The following SEL1L2 variants were observed in gnomAD, a reference collection of about 807,000 sequenced individuals.
SEL1L2 encodes SEL1L2 adaptor subunit of SYVN1 ubiquitin ligase.
A neutral mutation model predicts 98.8 loss-of-function variants in SEL1L2; 89 were observed. The observed-to-expected ratio is 0.90, with a 90% CI of 0.76 to 1.07. The LOEUF (loss-of-function observed/expected upper bound fraction) is 1.07. SEL1L2 is among the 50% of genes least tolerant of loss of function. The probability of loss-of-function intolerance (pLI) is 0.00; values close to 1 mark genes in which losing one functional copy is unlikely to be tolerated. For missense variants in SEL1L2, 788 were observed against 812.0 expected (o/e 0.97, Z 0.36); for synonymous variants, 262 against 278.5 (o/e 0.94, Z 0.59).
intron 18 of SEL1L2, among the ~76,000 whole-genome samples, chr20:13,852,774 C>A (rs750289148): frequency 3.9e-5 from 6 of 152,162 alleles, no homozygotes; most frequent in Non-Finnish European, 8.8e-5. Flanking sequence ...ATACAGAATT[C>A]TTCTGCAGTA....
At chr20:13,883,675 C>T (rs1420071158) in intron 10 of SEL1L2, among the ~76,000 whole-genome samples, 1 of 150,354 alleles carries the variant, frequency 6.7e-6, no homozygotes, top group Non-Finnish European at 1.5e-5. Context: ...TGGGATTGCA[C>T]TTCATCCTCA....
chr20:13,980,222 G>A (rs1409196154), intron 1 of SEL1L2, among the ~76,000 whole-genome samples: 1 of 152,130 alleles, frequency 6.6e-6, no homozygotes, highest in Non-Finnish European at 1.5e-5. Context: ...GGAGAAAAGG[G>A]AAATCTTTTT....
At chr20:13,864,535 A>G (rs1036837836) in intron 17 of SEL1L2, among the ~76,000 whole-genome samples, 20 of 152,296 alleles carry the variant, frequency 1.3e-4, no homozygotes, top group African/African-American at 4.8e-4. Context: ...CAATGAAAAT[A>G]CCACCTGCCA....
Position 13,876,111 on chromosome 20 carries a change from TAC to T in SEL1L2, c.1029_1030del (p.Met343IlefsTer12). ...CGGCACGGCAGCATTCCCCTCTAAA[TAC>T]ATCTAGGAAGAAAAATGAAAAGAGG... On this transcript the variant is annotated frameshift_variant and splice_region_variant, in exon 12 of 20. Coordinates refer to ENST00000284951, the MANE Select transcript of SEL1L2 (RefSeq NM_025229.2). LOFTEE classifies it high-confidence loss of function. 6.2e-7 allele frequency: 1 copy of T among 1,610,994 alleles called. No individual in the cohort carries two copies. The highest frequency in any genetic ancestry group is 1.1e-5 in the South Asian group (1 of 91,012).
chr20:13,972,601 T>C (rs1324146622), intron 1 of SEL1L2, among the ~76,000 whole-genome samples: 1 of 152,204 alleles, frequency 6.6e-6, no homozygotes, highest in African/African-American at 2.4e-5. Flanking sequence ...ATTTTCTGAA[T>C]CCATTCATGT....
rs560804676 is a variant in SEL1L2 at position 13,876,880 on chromosome 20, G to A, written c.1026+640C>T. Among the ~76,000 whole-genome samples, 12 of 152,294 alleles carry A rather than the reference G, an allele frequency of 7.9e-5. No individual in the cohort carries two copies. The South Asian group carries it at 2.5e-3, about 32-fold the overall frequency. ...CCTCTGTTGCCCAGGCTGGAGAGCA[G>A]TGGCGTGATCTCAGCTCACTGCACC... On this transcript the variant is annotated intron_variant, in intron 11 of 19. Coordinates refer to ENST00000284951, the MANE Select transcript of SEL1L2 (RefSeq NM_025229.2).
chr20:13,924,426 T>A (rs2048792724), intron 3 of SEL1L2, among the ~76,000 whole-genome samples: 1 of 151,940 alleles, frequency 6.6e-6, no homozygotes, highest in African/African-American at 2.4e-5. Flanking sequence ...TTCTTTTTCT[T>A]TTTCTTTTTT....
In SEL1L2 at chr20:13,869,515, A is replaced by G. The variant is rs1344168266; in HGVS notation, c.1243T>C (p.Phe415Leu). Residue 415 changes from phenylalanine (F) to leucine (L), a missense_variant, in exon 14 of 20, where the codon TTC (phenylalanine) becomes CTC (leucine). Coordinates refer to ENST00000284951, the MANE Select transcript of SEL1L2 (RefSeq NM_025229.2). Reference sequence around the variant, plus strand: ...TTGTGGCACTTACAGTAGTACATGAAGCCTAACTGGAACTGTGCGTCGGGC... The same window carrying G: ...TTGTGGCACTTACAGTAGTACATGAGGCCTAACTGGAACTGTGCGTCGGGC... ...GWPDAQFQLG[F>L]MYYSGSGIWK... 1.9e-6 allele frequency: 3 copies of G among 1,613,614 alleles called. No individual in the cohort carries two copies. Among genetic ancestry groups the G allele is most frequent in the Non-Finnish European group, 2.5e-6 (3 of 1,179,498 alleles).
At chr20:13,940,702 A>C (rs953570179) in intron 2 of SEL1L2, among the ~76,000 whole-genome samples, 2 of 151,972 alleles carry the variant, frequency 1.3e-5, no homozygotes, top group Non-Finnish European at 2.9e-5. Flanking sequence ...GGGAGGCCAA[A>C]ATGGGCGAAT....
intron 1 of SEL1L2, among the ~76,000 whole-genome samples, chr20:13,964,722 G>T (rs1416462733): frequency 6.6e-6 from 1 of 151,904 alleles, no homozygotes; most frequent in Admixed American, 6.6e-5. Flanking sequence ...CCAAAGTGCT[G>T]GCGGCCATCT....
At chr20:13,884,500 A>G (rs1222660889) in intron 10 of SEL1L2, among the ~76,000 whole-genome samples, 1 of 151,456 alleles carries the variant, frequency 6.6e-6, no homozygotes, top group Non-Finnish European at 1.5e-5. Context: ...TAATTAACTT[A>G]TTTATTTTTT....
chr20:13,994,764 C>G (rs990819614), upstream of SEL1L2, among the ~76,000 whole-genome samples: 2 of 152,200 alleles, frequency 1.3e-5, no homozygotes, highest in African/African-American at 4.8e-5. Flanking sequence ...CTCTGGTTAA[C>G]AGGCATCTGG....
At chr20:13,873,701 A>G (rs2046305705) in intron 12 of SEL1L2, among the ~76,000 whole-genome samples, 1 of 152,178 alleles carries the variant, frequency 6.6e-6, no homozygotes, top group Non-Finnish European at 1.5e-5. Flanking sequence ...CAGAAAAGCC[A>G]TATGTATAGC....
rs895641130 is a variant in SEL1L2 at position 13,865,430 on chromosome 20, A to C, written c.1489T>G (p.Ser497Ala). 4 of 1,614,132 alleles carry C rather than the reference A, an allele frequency of 2.5e-6. No individual in the cohort carries two copies. In the South Asian group the frequency reaches 3.3e-5, roughly 13 times the overall value. Residue 497 changes from serine to alanine, a missense_variant, in exon 16 of 20, where the codon TCT becomes GCT. Physicochemically the swap from Ser to Ala is moderately conservative, Grantham distance 99 (BLOSUM62 1). Coordinates refer to ENST00000284951, the MANE Select transcript of SEL1L2 (RefSeq NM_025229.2). ...YFAYKDGDID[S>A]SLVQYALLAE... Reference sequence around the variant, plus strand: ...AGCAGTGCATACTGAACAAGAGAAGAATCTATATCACCATCCTTATAGGCA... The same window carrying C: ...AGCAGTGCATACTGAACAAGAGAAGCATCTATATCACCATCCTTATAGGCA...
Position 13,898,398 on chromosome 20 carries a change from A to G in SEL1L2, c.550-9886T>C, listed in dbSNP as rs191650379. Reference sequence around the variant, plus strand: ...GAAGAACAAGGCTGAAAACAGGAGTATTAGAAGAGTCTACATTCTGTATAG... The same window carrying G: ...GAAGAACAAGGCTGAAAACAGGAGTGTTAGAAGAGTCTACATTCTGTATAG... On this transcript the variant is annotated intron_variant, in intron 5 of 19. Transcript: ENST00000284951. Among the ~76,000 whole-genome samples, 397 of 152,324 alleles carry G rather than the reference A, an allele frequency of 2.6e-3. 2 individuals carry two copies. The highest frequency in any genetic ancestry group is 9.0e-3 in the African/African-American group (374 of 41,582).
At chr20:13,909,898 G>A (rs1420510643) in intron 5 of SEL1L2, among the ~76,000 whole-genome samples, 15 of 152,134 alleles carry the variant, frequency 9.9e-5, no homozygotes, top group Admixed American at 9.8e-4. Context: ...TTGAACCTGG[G>A]AGGTGGAGGT....
intron 12 of SEL1L2, among the ~76,000 whole-genome samples, chr20:13,874,928 G>C (rs1019739721): frequency 3.9e-5 from 6 of 152,202 alleles, no homozygotes; most frequent in African/African-American, 1.4e-4. Context: ...TTCGCCAAGA[G>C]CAGGCCGATG....
At chr20:13,882,965 C>T (rs1408488019) in intron 10 of SEL1L2, among the ~76,000 whole-genome samples, 9 of 151,832 alleles carry the variant, frequency 5.9e-5, no homozygotes, top group Admixed American at 2.0e-4. Flanking sequence ...TACAGGCGCC[C>T]GCCACTACGC....
chr20:13,977,324 C>A (rs1416766383), intron 1 of SEL1L2, among the ~76,000 whole-genome samples: 1 of 152,074 alleles, frequency 6.6e-6, no homozygotes, highest in African/African-American at 2.4e-5. Context: ...AAGACAAGCC[C>A]ATGAAAGAGC....
Sources: allele counts gnomAD v4.1 joint callset (sites outside exome capture counted in the v4.1 genomes callset), GRCh38; gene constraint gnomAD v4.1.1; transcripts MANE v1.5; gene names NCBI Gene and HGNC (gene_info 2026-07-23, HGNC 2026-07-21).